The following ZSCAN25 variants were observed in gnomAD, a reference collection of about 807,000 sequenced individuals.
ZSCAN25 encodes zinc finger and SCAN domain containing 25, also known as zinc finger and SCAN domain-containing protein 25.
Under a neutral mutation model 38.7 loss-of-function variants are expected in ZSCAN25, and 27 were observed. The ratio of observed to expected loss-of-function variants is 0.70; its 90% CI spans 0.51 to 0.96. ZSCAN25 has a LOEUF of 0.96. Among genes scored for constraint, ZSCAN25 ranks in the 40% least tolerant of loss-of-function variants. The pLI is 0.00. For missense variants in ZSCAN25, 637 were observed against 705.9 expected (o/e 0.90, Z 1.11); for synonymous variants, 273 against 277.7 (o/e 0.98, Z 0.17).
the ZSCAN25 span, among the ~76,000 whole-genome samples, chr7:99,640,182 G>C: frequency 6.6e-6 from 1 of 152,192 alleles, no homozygotes; most frequent in Admixed American, 6.5e-5. Flanking sequence ...GATTGAGATG[G>C]AGTTTTGCTC....
chr7:99,660,242 T>A, the ZSCAN25 span: 2 of 973,112 alleles, frequency 2.1e-6, no homozygotes, highest in Non-Finnish European at 2.4e-6. Flanking sequence ...TTTTTTTTTT[T>A]TTTACTTAGC....
downstream of ZSCAN25, among the ~76,000 whole-genome samples, chr7:99,633,866 C>G (rs1808156221): frequency 6.6e-6 from 1 of 152,220 alleles, no homozygotes; most frequent in Admixed American, 6.5e-5. Context: ...AACCCTAATT[C>G]TCATTGACAG....
chr7:99,633,663 T>A (rs1317699551), downstream of ZSCAN25, among the ~76,000 whole-genome samples: 1 of 152,192 alleles, frequency 6.6e-6, no homozygotes, highest in Admixed American at 6.5e-5. Context: ...ACTGCCAGGC[T>A]AAGGTGCTAC....
Position 99,622,537 on chromosome 7 carries a change from G to T in ZSCAN25, c.590-12G>T, listed in dbSNP as rs780361299. On this transcript the variant is annotated splice_polypyrimidine_tract_variant and intron_variant, in intron 5 of 7. Transcript: ENST00000394152. Reference sequence around the variant, plus strand: ...CCTTCTGATCTTTCTCATGCTTTTTGTCCCTGCTCAGCACTACCTGTTCTG... The same window carrying T: ...CCTTCTGATCTTTCTCATGCTTTTTTTCCCTGCTCAGCACTACCTGTTCTG... 1.2e-5 allele frequency: 20 copies of T among 1,613,626 alleles called. No homozygotes were observed. Among genetic ancestry groups the T allele is most frequent in the Non-Finnish European group, 1.7e-5 (20 of 1,179,678 alleles).
chr7:99,641,591 G>A, the ZSCAN25 span, among the ~76,000 whole-genome samples: 65 of 152,112 alleles, frequency 4.3e-4, no homozygotes, highest in African/African-American at 1.5e-3. Flanking sequence ...GATCAAGTAG[G>A]CATCTCAAAC....
the ZSCAN25 span, chr7:99,660,245 T>TA: frequency 1.4e-6 from 1 of 739,172 alleles, no homozygotes; most frequent in Non-Finnish European, 1.6e-6. Context: ...TTTTTTTTTT[T>TA]ACTTAGCATT....
the ZSCAN25 span, among the ~76,000 whole-genome samples, chr7:99,653,953 C>T: frequency 6.6e-6 from 1 of 152,206 alleles, no homozygotes; most frequent in Non-Finnish European, 1.5e-5. This position sits in a 1 kb window ranked among gnomAD's most constrained non-coding sequence, Gnocchi z 4.2. Context: ...AGTCAGCCTC[C>T]ATCGCGCCCC....
the ZSCAN25 span, among the ~76,000 whole-genome samples, chr7:99,727,534 A>G: frequency 1.3e-5 from 2 of 152,092 alleles, no homozygotes; most frequent in African/African-American, 2.4e-5. Flanking sequence ...CCTTATCCCC[A>G]TGACTGTATC....
the ZSCAN25 span, chr7:99,717,680 T>G: frequency 1.2e-6 from 2 of 1,608,522 alleles, no homozygotes; most frequent in Non-Finnish European, 1.7e-6. Flanking sequence ...ACATCAGTTG[T>G]GGAGGTCTCC....
At chr7:99,617,256 G>A (rs968424189) in intron 1 of ZSCAN25, among the ~76,000 whole-genome samples, 1 of 152,242 alleles carries the variant, frequency 6.6e-6, no homozygotes, top group African/African-American at 2.4e-5. Flanking sequence ...GAGCGAGGCT[G>A]ATCCCGCTCT....
At chr7:99,717,486 T>C in the ZSCAN25 span, 1 of 1,610,848 alleles carries the variant, frequency 6.2e-7, no homozygotes, top group Non-Finnish European at 8.5e-7. Flanking sequence ...ACCTGATTCA[T>C]TCTTTAAGTT....
At chr7:99,691,803 G>T in the ZSCAN25 span, among the ~76,000 whole-genome samples, 3 of 152,174 alleles carry the variant, frequency 2.0e-5, no homozygotes, top group Admixed American at 2.0e-4. Flanking sequence ...CATGTGAGGT[G>T]GGTCTCCTGA....
chr7:99,636,564 G>A (rs1808293498), downstream of ZSCAN25, among the ~76,000 whole-genome samples: 1 of 152,046 alleles, frequency 6.6e-6, no homozygotes, highest in Admixed American at 6.5e-5. Context: ...CTTAATTTTA[G>A]TTTTCAGACA....
the ZSCAN25 span, among the ~76,000 whole-genome samples, chr7:99,649,396 G>A: frequency 1.3e-5 from 2 of 152,200 alleles, no homozygotes; most frequent in South Asian, 4.1e-4. Flanking sequence ...AATGACATCT[G>A]TTCTTTAACT....
At chr7:99,642,224 A>G in the ZSCAN25 span, among the ~76,000 whole-genome samples, 1 of 152,252 alleles carries the variant, frequency 6.6e-6, no homozygotes, top group Non-Finnish European at 1.5e-5. Context: ...GTTAGAGTCC[A>G]GTTCCTCTCC....
rs1158319413 is a variant in ZSCAN25, at chr7:99,619,966, G to C, written c.360G>C (p.Leu120=). 1 of 1,613,824 alleles carries C rather than the reference G, an allele frequency of 6.2e-7. No individual in the cohort carries two copies. Among genetic ancestry groups the C allele is most frequent in the Non-Finnish European group, 8.5e-7 (1 of 1,179,986 alleles). The change falls in exon 4 of 8, where the codon CTG becomes CTC. Residue 120 remains leucine (L), a synonymous_variant. Coordinates refer to ENST00000394152, the MANE Select transcript of ZSCAN25 (RefSeq NM_145115.3). The stretch of plus-strand genomic sequence containing the variant: ...CCCTGGCCGCCATGGTGGAGGACCT[G>C]ACAGAAAGAGCACTGGAGGCCAAGG... ...GKALAAMVED[L]TERALEAKAV... is the part of the protein sequence containing the mutation.
chr7:99,736,259 C>A, the ZSCAN25 span, among the ~76,000 whole-genome samples: 1 of 152,204 alleles, frequency 6.6e-6, no homozygotes, highest in South Asian at 2.1e-4. Flanking sequence ...GCCAGGTTGA[C>A]CCAAACCACC....
chr7:99,699,026 A>G, the ZSCAN25 span, among the ~76,000 whole-genome samples: 1 of 152,232 alleles, frequency 6.6e-6, no homozygotes, highest in Non-Finnish European at 1.5e-5. Flanking sequence ...CACAGTGGAA[A>G]GTAACTCTTC....
chr7:99,631,204 C>T lies in ZSCAN25; in HGVS notation c.*1184C>T. 1 of 985,420 alleles carries T rather than the reference C, an allele frequency of 1.0e-6. No homozygotes were observed. The highest frequency in any genetic ancestry group is 4.7e-5 in the South Asian group (1 of 21,290). The allele number at this position is 985,420 out of a possible 1,614,324, so 61.0% of individuals were successfully genotyped here. On this transcript the variant is annotated 3_prime_UTR_variant, in exon 8 of 8. Transcript: ENST00000394152. ...TCTTGCCCTGAAATGCATTTGTCAC[C>T]TACCTCTTGTTACTAAATGGTCTCT... is the stretch of plus-strand genomic sequence containing the variant.
Sources: gnomAD v4.1 joint callset for allele counts (sites outside exome capture counted in the v4.1 genomes callset) on GRCh38, gnomAD v4.1.1 for gene constraint, Gnocchi (gnomAD v3.1) non-coding constraint, MANE v1.5 for transcripts, NCBI Gene and HGNC (gene_info 2026-07-23, HGNC 2026-07-21) for gene names.